The following FSTL5 variants were observed in gnomAD, a reference collection of about 807,000 sequenced individuals.
The protein encoded by FSTL5 is follistatin like 5.
In FSTL5, 62 loss-of-function variants were observed where a neutral mutation model predicts 89.1. The ratio of observed to expected loss-of-function variants is 0.70; its 90% CI spans 0.57 to 0.86. FSTL5 has a LOEUF of 0.86. Among genes scored for constraint, FSTL5 ranks in the 40% least tolerant of loss-of-function variants. The pLI, the probability that FSTL5 is intolerant of heterozygous loss-of-function variation, is 0.00. For synonymous variants in FSTL5, 383 were observed against 346.2 expected, an observed-to-expected ratio of 1.11 and a Z score of -1.18; for missense variants, 1,057 against 1,001.6, an observed-to-expected ratio of 1.06 and a Z score of -0.75.
At chr4:162,001,181 G>T (rs950497327) in intron 3 of FSTL5, among the ~76,000 whole-genome samples, 8 of 152,136 alleles carry the variant, frequency 5.3e-5, no homozygotes, top group African/African-American at 1.9e-4. Flanking sequence ...GCAGCTACCA[G>T]CTATATGCCA....
At chr4:161,642,524 A>G (rs1736000259) in intron 7 of FSTL5, among the ~76,000 whole-genome samples, 1 of 152,232 alleles carries the variant, frequency 6.6e-6, no homozygotes, top group Non-Finnish European at 1.5e-5. Context: ...AAATACAGCA[A>G]GATGGATATA....
chr4:161,936,414 C>T (rs1312331867), intron 3 of FSTL5, among the ~76,000 whole-genome samples: 3 of 152,012 alleles, frequency 2.0e-5, no homozygotes, highest in Non-Finnish European at 4.4e-5. Context: ...ACTAAAAATA[C>T]TTTAAAATAG....
intron 4 of FSTL5, among the ~76,000 whole-genome samples, chr4:161,794,615 C>G (rs1226602771): frequency 6.6e-6 from 1 of 152,108 alleles, no homozygotes. Context: ...GCTCAGAGGG[C>G]AATGCTTTGT....
intron 13 of FSTL5, among the ~76,000 whole-genome samples, chr4:161,478,197 T>C (rs188194111): frequency 1.9e-4 from 29 of 152,260 alleles, no homozygotes; most frequent in Non-Finnish European, 3.7e-4. Flanking sequence ...TTTAAATGTC[T>C]GTTAGCAGTA....
chr4:161,862,034 T>G lies in FSTL5; in HGVS notation c.409+58370A>C, dbSNP rs1279587143. On this transcript the variant is annotated intron_variant, in intron 4 of 15. Transcript: ENST00000306100. ...TGTAATATTGAGATCAAATTAACCC[T>G]CAATGGGAATGAATTCTTTATGCAA... Among the ~76,000 whole-genome samples, 4 of 152,148 alleles carry G rather than the reference T, an allele frequency of 2.6e-5. No individual in the cohort carries two copies. In the East Asian group the frequency reaches 7.7e-4, roughly 29 times the overall value.
intron 7 of FSTL5, among the ~76,000 whole-genome samples, chr4:161,624,334 T>C (rs1454199552): frequency 6.6e-6 from 1 of 151,980 alleles, no homozygotes; most frequent in East Asian, 1.9e-4. Context: ...GACATTTTAA[T>C]TTGTCCCTTT....
intron 3 of FSTL5, among the ~76,000 whole-genome samples, chr4:162,010,635 T>C (rs1736736887): frequency 6.6e-6 from 1 of 152,194 alleles, no homozygotes; most frequent in Non-Finnish European, 1.5e-5. Context: ...GTAACCACTG[T>C]TTAATGTTAT....
chr4:161,396,497 A>C (rs2110891297), intron 15 of FSTL5, among the ~76,000 whole-genome samples: 1 of 151,218 alleles, frequency 6.6e-6, no homozygotes, highest in South Asian at 2.1e-4. Context: ...CAAAAAAAAA[A>C]AAAAAAATTA....
At chr4:161,786,576 C>A (rs1741910922) in intron 4 of FSTL5, among the ~76,000 whole-genome samples, 1 of 152,068 alleles carries the variant, frequency 6.6e-6, no homozygotes. Context: ...CCCAAACCGA[C>A]CAAATAAATA....
chr4:161,954,581 T>C lies in FSTL5; in HGVS notation c.161-33929A>G, dbSNP rs144120805. Among the ~76,000 whole-genome samples the C allele has an allele frequency of 3.9e-3, 599 of 151,800 alleles. 6 individuals carry two copies. The highest frequency in any genetic ancestry group is 0.013 in the African/African-American group (552 of 41,542). ...TTTACATTCTAAGTATGTATGTCTG[T>C]ATGTATGTATTTACATGTGTATATA... On this transcript the variant is annotated intron_variant, in intron 3 of 15. Transcript: ENST00000306100.
At chr4:161,588,997 G>GTTTTT (rs879331171) in intron 7 of FSTL5, among the ~76,000 whole-genome samples, 1 of 130,958 alleles carries the variant, frequency 7.6e-6, no homozygotes, top group Non-Finnish European at 1.6e-5. Context: ...TATCCCTAAT[G>GTTTTT]TTTTTTTTTT....
chr4:161,773,048 T>TA (rs1422209170), intron 5 of FSTL5, among the ~76,000 whole-genome samples: 1 of 152,074 alleles, frequency 6.6e-6, no homozygotes, highest in South Asian at 2.1e-4. Context: ...GCCAAATACT[T>TA]ACAGCCAGTG....
At position 161,818,391 on chromosome 4, in the gene FSTL5, G is replaced by A. The variant is rs538788840; in HGVS notation, c.410-42317C>T. Among the ~76,000 whole-genome samples the A allele has an allele frequency of 1.5e-4, 23 of 152,254 alleles. No homozygotes were observed. The South Asian group carries it at 4.8e-3, about 32-fold the overall frequency. On this transcript the variant is annotated intron_variant, in intron 4 of 15. Coordinates refer to ENST00000306100, the MANE Select transcript of FSTL5 (RefSeq NM_020116.5). ...TTCCAGACATCAAGGCAAGAACCCG[G>A]GGATAAAGAAAGTCCTCTGTCCTTG...
At chr4:161,557,312 T>C (rs1196127485) in intron 8 of FSTL5, among the ~76,000 whole-genome samples, 1 of 151,418 alleles carries the variant, frequency 6.6e-6, no homozygotes, top group Non-Finnish European at 1.5e-5. Context: ...TTTTTCCTCA[T>C]TTTTTATTAT....
chr4:161,587,451 T>A lies in FSTL5; in HGVS notation c.1015+4A>T. 6.2e-7 allele frequency: 1 copy of A among 1,613,072 alleles called. No homozygotes were observed. The highest frequency in any genetic ancestry group is 8.5e-7 in the Non-Finnish European group (1 of 1,179,320). On this transcript the variant is annotated splice_donor_region_variant and intron_variant, in intron 8 of 15. Transcript: ENST00000306100. ...TAGTTAGGGTAACAAAAATCACTTC[T>A]TACCATTCACTTGGAAGATGTGAGT...
intron 6 of FSTL5, among the ~76,000 whole-genome samples, chr4:161,669,929 C>T (rs1304026084): frequency 1.3e-5 from 2 of 151,910 alleles, no homozygotes. Context: ...GAAAAAAAGA[C>T]ATCAAACATA....
intron 4 of FSTL5, among the ~76,000 whole-genome samples, chr4:161,806,217 T>C (rs1252362366): frequency 6.6e-6 from 1 of 152,112 alleles, no homozygotes; most frequent in Non-Finnish European, 1.5e-5. Flanking sequence ...ATTTTATAAA[T>C]GACAAAACTG....
chr4:161,644,991 C>T (rs112669738), intron 7 of FSTL5, among the ~76,000 whole-genome samples: 138 of 152,102 alleles, frequency 9.1e-4, no homozygotes, highest in African/African-American at 3.2e-3. Flanking sequence ...TCTAGCTATA[C>T]CTACGTTAAC....
chr4:161,610,700 T>G (rs1242948278), intron 7 of FSTL5, among the ~76,000 whole-genome samples: 1 of 152,166 alleles, frequency 6.6e-6, no homozygotes, highest in Admixed American at 6.5e-5. Flanking sequence ...CTGCTGCAAA[T>G]TTCTTTCTTG....
Sources: allele counts gnomAD v4.1 joint callset (sites outside exome capture counted in the v4.1 genomes callset), GRCh38; gene constraint gnomAD v4.1.1; transcripts MANE v1.5; gene names NCBI Gene and HGNC (gene_info 2026-07-23, HGNC 2026-07-21).